The following DSCAM variants were observed in gnomAD, a reference collection of about 807,000 sequenced individuals.
The protein encoded by DSCAM is DS cell adhesion molecule.
In DSCAM, 47 loss-of-function variants were observed where a neutral mutation model predicts 217.7. That is an observed-to-expected ratio of 0.22 (90% CI 0.17 to 0.28). The LOEUF is 0.28. Among genes scored for constraint, DSCAM ranks in the 10% least tolerant of loss-of-function variants. The pLI is 1.00. For missense variants in DSCAM, 2,080 were observed against 2,618.3 expected (o/e 0.79, Z 4.49); for synonymous variants, 1,056 against 1,015.3 (o/e 1.04, Z -0.76).
chr21:40,652,906 A>G (rs1407740436), intron 3 of DSCAM, among the ~76,000 whole-genome samples: 1 of 152,254 alleles, frequency 6.6e-6, no homozygotes, highest in Non-Finnish European at 1.5e-5. Context: ...TTGGAGACTC[A>G]AGTGTTAAGG....
chr21:40,159,794 G>C (rs1364644611), intron 16 of DSCAM, among the ~76,000 whole-genome samples: 2 of 152,170 alleles, frequency 1.3e-5, no homozygotes, highest in African/African-American at 4.8e-5. Context: ...TGTTGGCCAG[G>C]CTGGTCTCGA....
Position 40,011,027 on chromosome 21 carries a change from G to A in DSCAM, c.*2007C>T, listed in dbSNP as rs1405586419. On this transcript the variant is annotated 3_prime_UTR_variant, in exon 33 of 33. Transcript: ENST00000400454. The stretch of plus-strand genomic sequence containing the variant: ...TGTAGAATTTTTTTATTTTTGTACA[G>A]GTTGAGAGAAAAATGTTAAAAAGGT... 6.6e-6 allele frequency: 1 copy of A among 152,098 alleles called. No homozygotes were observed. The highest frequency in any genetic ancestry group is 1.5e-5 in the Non-Finnish European group (1 of 68,032). 9.4% of individuals were successfully genotyped at this position (152,098 alleles called of 1,614,324 possible).
At chr21:40,015,981 C>T (rs1340872735) in intron 32 of DSCAM, among the ~76,000 whole-genome samples, 1 of 152,204 alleles carries the variant, frequency 6.6e-6, no homozygotes, top group East Asian at 1.9e-4. Flanking sequence ...TTGTGCAGTA[C>T]ACTGGGATGA....
At chr21:40,110,983 AAC>A (rs2089891947) in intron 20 of DSCAM, among the ~76,000 whole-genome samples, 1 of 152,244 alleles carries the variant, frequency 6.6e-6, no homozygotes, top group South Asian at 2.1e-4. Flanking sequence ...CAAGTTGGAA[AAC>A]ACTCTGCAGG....
chr21:40,322,687 G>A (rs2074272877), intron 8 of DSCAM, among the ~76,000 whole-genome samples: 1 of 152,000 alleles, frequency 6.6e-6, no homozygotes, highest in Non-Finnish European at 1.5e-5. Flanking sequence ...ATTACACCTG[G>A]CTAATTTTTG....
chr21:40,833,952 C>T (rs891354720), intron 1 of DSCAM, among the ~76,000 whole-genome samples: 1 of 152,096 alleles, frequency 6.6e-6, no homozygotes, highest in Non-Finnish European at 1.5e-5. Flanking sequence ...CCAGTAGCAA[C>T]CCCCAACCAG....
At chr21:40,043,490 A>G (rs2088791669) in intron 31 of DSCAM, among the ~76,000 whole-genome samples, 1 of 152,242 alleles carries the variant, frequency 6.6e-6, no homozygotes. Flanking sequence ...ATTCAGATGT[A>G]ATTTCTTTTC....
chr21:40,667,301 G>A (rs1012323867), intron 3 of DSCAM, among the ~76,000 whole-genome samples: 1 of 152,196 alleles, frequency 6.6e-6, no homozygotes, highest in Non-Finnish European at 1.5e-5. Flanking sequence ...AGCACATCAT[G>A]GACCCAGATG....
chr21:40,242,370 A>G (rs2073165326), intron 11 of DSCAM, among the ~76,000 whole-genome samples: 1 of 152,234 alleles, frequency 6.6e-6, no homozygotes, highest in Admixed American at 6.5e-5. Context: ...GGATGGGGCC[A>G]TATGACTGGC....
intron 1 of DSCAM, among the ~76,000 whole-genome samples, chr21:40,786,299 G>A (rs555337568): frequency 1.7e-4 from 26 of 149,960 alleles, no homozygotes; most frequent in Non-Finnish European, 3.4e-4. Context: ...AGGAAGGAAG[G>A]AAGAAAGAAA....
At position 40,312,109 on chromosome 21, in the gene DSCAM, C is replaced by T; in HGVS notation, c.2034G>A (p.Val678=). ...TCIARNEAAA[V]EHQSQLIVRV... is the part of the protein sequence containing the mutation. ...TGACAATCAACTGGCTTTGGTGCTCCACAGCGGCGGCCTCATTCCGGGCTA... is the reference window on the plus strand; with the variant it reads ...TGACAATCAACTGGCTTTGGTGCTCTACAGCGGCGGCCTCATTCCGGGCTA... The change falls in exon 9 of 33, where the codon GTG becomes GTA. Residue 678 remains valine, a synonymous_variant. Transcript: ENST00000400454. 1.2e-6 allele frequency: 2 copies of T among 1,613,994 alleles called. No individual in the cohort carries two copies. Among genetic ancestry groups the T allele is most frequent in the Non-Finnish European group, 1.7e-6 (2 of 1,179,958 alleles).
At chr21:40,767,577 ATTTATG>A (rs1220132227) in intron 1 of DSCAM, among the ~76,000 whole-genome samples, 1 of 152,172 alleles carries the variant, frequency 6.6e-6, no homozygotes, top group Non-Finnish European at 1.5e-5. Flanking sequence ...CATGTGTGCT[ATTTATG>A]TTTGAGAATG....
At chr21:40,648,770 A>G (rs2898419) in intron 3 of DSCAM, among the ~76,000 whole-genome samples, 57,916 of 151,998 alleles carry the variant, frequency 0.38, 11,857 homozygotes, top group East Asian at 0.6. Flanking sequence ...TAAACAACCC[A>G]ACTGAGGGGT....
chr21:40,175,388 A>T, intron 15 of DSCAM, among the ~76,000 whole-genome samples: 1 of 152,302 alleles, frequency 6.6e-6, no homozygotes. Flanking sequence ...TGTTGGGATT[A>T]TAGGCGTGAA....
chr21:40,042,237 T>G, intron 32 of DSCAM, 134 bp downstream of exon 32: 1 of 918,220 alleles, frequency 1.1e-6, no homozygotes, highest in Non-Finnish European at 1.6e-6. Flanking sequence ...TTTGGGATGG[T>G]TTGTTATGCA....
At chr21:40,128,798 G>A (rs574322214) in intron 19 of DSCAM, among the ~76,000 whole-genome samples, 2 of 152,024 alleles carry the variant, frequency 1.3e-5, no homozygotes, top group African/African-American at 4.8e-5. Context: ...TTCATCTGTC[G>A]GACCCTCAGC....
intron 11 of DSCAM, among the ~76,000 whole-genome samples, chr21:40,268,971 C>T (rs114614582): frequency 0.013 from 2,020 of 152,188 alleles, 56 homozygotes; most frequent in African/African-American, 0.047. Context: ...CTGTTCTGCC[C>T]CAGCCCAAAG....
intron 3 of DSCAM, chr21:40,630,704 A>G (rs2089679980): frequency 6.6e-6 from 1 of 152,244 alleles, no homozygotes; most frequent in Admixed American, 6.5e-5. Context: ...TTCGGCCTTC[A>G]CTGTACTTGT....
At chr21:40,484,288 A>G (rs1430117906) in intron 3 of DSCAM, among the ~76,000 whole-genome samples, 1 of 152,216 alleles carries the variant, frequency 6.6e-6, no homozygotes, top group East Asian at 1.9e-4. Flanking sequence ...TATCCAGTTC[A>G]TCCATCCATC....
Sources: allele counts gnomAD v4.1 joint callset (sites outside exome capture counted in the v4.1 genomes callset), GRCh38; gene constraint gnomAD v4.1.1; transcripts MANE v1.5; gene names NCBI Gene and HGNC (gene_info 2026-07-23, HGNC 2026-07-21).